The following CCSER1 variants were observed in gnomAD, a reference collection of about 807,000 sequenced individuals.
CCSER1 encodes the protein serine-rich coiled-coil domain-containing protein 1.
CCSER1 carries 41 observed loss-of-function variants against 82.0 expected under a neutral mutation model. The ratio of observed to expected loss-of-function variants is 0.50; its 90% confidence interval spans 0.39 to 0.65. The LOEUF (loss-of-function observed/expected upper bound fraction) is 0.65. CCSER1 is among the 30% of genes least tolerant of loss of function. CCSER1 has a pLI of 0.00. For missense variants in CCSER1, 1,119 were observed against 1,064.2 expected, an observed-to-expected ratio of 1.05 and a Z score of -0.72; for synonymous variants, 414 against 383.9, an observed-to-expected ratio of 1.08 and a Z score of -0.92.
At chr4:90,258,194 T>A (rs1034888738) in intron 1 of CCSER1, among the ~76,000 whole-genome samples, 4 of 152,162 alleles carry the variant, frequency 2.6e-5, no homozygotes, top group Non-Finnish European at 5.9e-5. Flanking sequence ...TGGTATGACA[T>A]CACAGAAAAA....
At chr4:90,200,854 G>A (rs1461448165) in intron 1 of CCSER1, among the ~76,000 whole-genome samples, 1 of 152,022 alleles carries the variant, frequency 6.6e-6, no homozygotes, top group Non-Finnish European at 1.5e-5. Flanking sequence ...TAGCTCCTAT[G>A]TACTATGTAT....
intron 6 of CCSER1, among the ~76,000 whole-genome samples, chr4:90,639,247 T>G (rs1265230820): frequency 6.6e-6 from 1 of 151,658 alleles, no homozygotes. Flanking sequence ...ATGTGTTGTA[T>G]TCATTGAATC....
At chr4:91,482,444 A>G (rs1160647776) in intron 10 of CCSER1, among the ~76,000 whole-genome samples, 23 of 150,982 alleles carry the variant, frequency 1.5e-4, no homozygotes, top group Admixed American at 1.5e-3. Flanking sequence ...TCAGGAAACA[A>G]CAGGTGCTGG....
chr4:90,972,821 A>G (rs765963425), intron 9 of CCSER1, among the ~76,000 whole-genome samples: 8 of 151,812 alleles, frequency 5.3e-5, no homozygotes, highest in Non-Finnish European at 1.0e-4. Context: ...GTGTAAAAGA[A>G]TGTAACAGAA....
At chr4:90,139,088 A>G (rs538894409) in intron 1 of CCSER1, among the ~76,000 whole-genome samples, 1 of 152,294 alleles carries the variant, frequency 6.6e-6, no homozygotes, top group South Asian at 2.1e-4. Context: ...GTGACATCCT[A>G]GCTTGCTACA....
intron 3 of CCSER1, among the ~76,000 whole-genome samples, chr4:90,320,497 G>A (rs1736947415): frequency 6.6e-6 from 1 of 152,084 alleles, no homozygotes; most frequent in Admixed American, 6.6e-5. Flanking sequence ...TTATAGAATG[G>A]TTTCTAGGAT....
chr4:91,259,077 A>G (rs1435054466), intron 10 of CCSER1, among the ~76,000 whole-genome samples: 1 of 152,170 alleles, frequency 6.6e-6, no homozygotes, highest in Non-Finnish European at 1.5e-5. Context: ...AAAATAAAGA[A>G]AAAACTTTTA....
At chr4:90,798,734 G>A (rs1756374943) in intron 7 of CCSER1, among the ~76,000 whole-genome samples, 1 of 152,140 alleles carries the variant, frequency 6.6e-6, no homozygotes. Flanking sequence ...CTTTGTTTCT[G>A]GAAGATTTTA....
rs1723356260 is a variant in CCSER1 at position 91,085,973 on chromosome 4, G to A, written c.2196G>A (p.Glu732=). 6.5e-7 allele frequency: 1 copy of A among 1,529,874 alleles called. No homozygotes were observed. 94.8% of individuals were successfully genotyped at this position (1,529,874 alleles called of 1,614,324 possible). A position where few individuals can be genotyped will look rare whatever the true frequency, so the allele number is the denominator to read the frequency against. The change falls in exon 10 of 11, where the codon GAG becomes GAA. Residue 732 remains glutamate (E), a synonymous_variant. Coordinates refer to ENST00000509176, the MANE Select transcript of CCSER1 (RefSeq NM_001145065.2). The part of the protein sequence containing the change: ...CYDGLNLKRL[E]TVQGGREATY... ...AGGGTTTAAACTTGAAAAGACTAGAGACAGTACAAGGAGGGAGAGAGGTAA... is the reference window on the plus strand; with the variant it reads ...AGGGTTTAAACTTGAAAAGACTAGAAACAGTACAAGGAGGGAGAGAGGTAA...
chr4:91,275,362 TCTAA>T (rs1742351709), intron 10 of CCSER1, among the ~76,000 whole-genome samples: 1 of 152,094 alleles, frequency 6.6e-6, no homozygotes. Flanking sequence ...TAATAGCTAC[TCTAA>T]CTGGGTTAAA....
rs186515475 is a variant in CCSER1 at position 91,263,538 on chromosome 4, C to T, written c.2217+177544C>T. ...CTATAAAATAACTGACCCACATTTTCCTAGCTATTACCCTAGCCTACATCT... is the reference window on the plus strand; with the variant it reads ...CTATAAAATAACTGACCCACATTTTTCTAGCTATTACCCTAGCCTACATCT... On this transcript the variant is annotated intron_variant, in intron 10 of 10. Coordinates refer to ENST00000509176, the MANE Select transcript of CCSER1 (RefSeq NM_001145065.2). Among the ~76,000 whole-genome samples the T allele has an allele frequency of 1.9e-3, 295 of 152,042 alleles. 2 individuals carry two copies. Among genetic ancestry groups the T allele is most frequent in the African/African-American group, 6.6e-3 (276 of 41,550 alleles).
intron 10 of CCSER1, among the ~76,000 whole-genome samples, chr4:91,354,520 T>C (rs140899989): frequency 0.017 from 2,618 of 152,338 alleles, 57 homozygotes; most frequent in African/African-American, 0.052. Context: ...AATGGATTTC[T>C]TTCTGTGTAA....
intron 8 of CCSER1, among the ~76,000 whole-genome samples, chr4:90,878,795 G>A (rs1241550171): frequency 1.3e-5 from 2 of 152,134 alleles, no homozygotes; most frequent in Non-Finnish European, 2.9e-5. Context: ...AAATATTTAT[G>A]TCTGTACCTC....
chr4:90,306,659 A>G (rs1468037834), intron 1 of CCSER1, among the ~76,000 whole-genome samples: 1 of 152,192 alleles, frequency 6.6e-6, no homozygotes, highest in Non-Finnish European at 1.5e-5. Flanking sequence ...AAATGAAAGT[A>G]TTTTACTTGA....
chr4:90,339,314 T>C (rs1218930664), intron 3 of CCSER1, among the ~76,000 whole-genome samples: 3 of 152,058 alleles, frequency 2.0e-5, no homozygotes, highest in Non-Finnish European at 2.9e-5. Flanking sequence ...CTGGCTGGAG[T>C]CTTGCCATCG....
intron 10 of CCSER1, among the ~76,000 whole-genome samples, chr4:91,597,810 C>A (rs1176992210): frequency 6.6e-6 from 1 of 152,006 alleles, no homozygotes; most frequent in African/African-American, 2.4e-5. Flanking sequence ...GTTTTTACCT[C>A]AATGTGTTTT....
chr4:90,326,752 G>A (rs1325038157), intron 3 of CCSER1, among the ~76,000 whole-genome samples: 1 of 152,158 alleles, frequency 6.6e-6, no homozygotes, highest in African/African-American at 2.4e-5. Flanking sequence ...GTAGGGGGTG[G>A]TCTGGAATAT....
chr4:90,136,920 T>A (rs1282728370), intron 1 of CCSER1, among the ~76,000 whole-genome samples: 1 of 152,182 alleles, frequency 6.6e-6, no homozygotes, highest in Non-Finnish European at 1.5e-5. Context: ...TTCATTGTTA[T>A]AAATATAAAT....
Position 90,314,971 on chromosome 4 carries a change from C to T in CCSER1, c.1509+1924C>T, listed in dbSNP as rs369083622. Among the ~76,000 whole-genome samples the T allele has an allele frequency of 8.0e-5, 12 of 150,900 alleles. No individual in the cohort carries two copies. The South Asian group carries it at 8.4e-4, about 11-fold the overall frequency. On this transcript the variant is annotated intron_variant, in intron 3 of 10. Coordinates refer to ENST00000509176, the MANE Select transcript of CCSER1 (RefSeq NM_001145065.2). The stretch of plus-strand genomic sequence containing the variant: ...AAGCAATTCTCCTGCCTGAGCCTCC[C>T]GAGTACCTGGGATTACAGGCACCTG...
Sources: allele counts gnomAD v4.1 joint callset (sites outside exome capture counted in the v4.1 genomes callset), GRCh38; gene constraint gnomAD v4.1.1; transcripts MANE v1.5; gene names NCBI Gene and HGNC (gene_info 2026-07-23, HGNC 2026-07-21).